The following ABI3BP variants were observed in gnomAD, a reference collection of about 807,000 sequenced individuals.
The protein encoded by ABI3BP is ABI family member 3 binding protein.
ABI3BP carries 216 observed loss-of-function variants against 268.6 expected under a neutral mutation model. That is an observed-to-expected ratio of 0.80 (90% CI 0.72 to 0.90). The LOEUF (loss-of-function observed/expected upper bound fraction) is 0.90. Among genes scored for constraint, ABI3BP ranks in the 40% least tolerant of loss-of-function variants. The pLI is 0.00. For missense variants in ABI3BP, 2,090 were observed against 2,182.4 expected, an observed-to-expected ratio of 0.96 and a Z score of 0.84; for synonymous variants, 730 against 730.0, an observed-to-expected ratio of 1.00 and a Z score of 0.00.
chr3:100,977,756 A>C (rs1477182957), intron 1 of ABI3BP, among the ~76,000 whole-genome samples: 1 of 152,228 alleles, frequency 6.6e-6, no homozygotes, highest in Non-Finnish European at 1.5e-5. Context: ...ATATAAGAGC[A>C]TGAATAACAG....
chr3:100,947,803 C>A (rs373880600), intron 1 of ABI3BP, among the ~76,000 whole-genome samples: 6 of 151,918 alleles, frequency 3.9e-5, no homozygotes, highest in Non-Finnish European at 7.4e-5. Context: ...TAAAGAGTGG[C>A]GGATAAGGCA....
Position 100,820,118 on chromosome 3 carries a change from C to T in ABI3BP, c.3031+102G>A, listed in dbSNP as rs1244348700. 5 of 1,020,462 alleles carry T rather than the reference C, an allele frequency of 4.9e-6. No homozygotes were observed. The African/African-American group carries it at 6.4e-5, about 13-fold the overall frequency. The allele number at this position is 1,020,462 out of a possible 1,614,324, so 63.2% of individuals were successfully genotyped here. On this transcript the variant is annotated intron_variant, in intron 40 of 67. Transcript: ENST00000471714. ...AGTAGCACATCTTTTGTGCCTTCAT[C>T]CACATGGTACTCACACAGGCCATCA...
At chr3:100,932,587 A>G (rs1360570179) in intron 1 of ABI3BP, among the ~76,000 whole-genome samples, 1 of 152,194 alleles carries the variant, frequency 6.6e-6, no homozygotes, top group Non-Finnish European at 1.5e-5. Flanking sequence ...GCCAACAAGC[A>G]CATGAAAAAG....
At position 100,886,855 on chromosome 3, in the gene ABI3BP, A is replaced by G. The variant is rs145356408; in HGVS notation, c.462-532T>C. 2.6e-4 allele frequency among the ~76,000 whole-genome samples: 39 copies of G among 152,056 alleles called. No homozygotes were observed. The East Asian group carries it at 5.6e-3, about 22-fold the overall frequency. ...AGCTGTTTTTATTATTAAAAAGAAG[A>G]CCAATAGCCAAGTTAAGAGTCAAAT... On this transcript the variant is annotated intron_variant, in intron 4 of 67. Transcript: ENST00000471714.
chr3:100,823,886 C>T (rs1232180322), intron 36 of ABI3BP, among the ~76,000 whole-genome samples: 1 of 152,108 alleles, frequency 6.6e-6, no homozygotes, highest in Non-Finnish European at 1.5e-5. Context: ...TGAATATTAG[C>T]GCTTATTACA....
At chr3:100,868,802 T>A (rs998410718) in intron 9 of ABI3BP, among the ~76,000 whole-genome samples, 4 of 152,190 alleles carry the variant, frequency 2.6e-5, no homozygotes, top group African/African-American at 7.2e-5. Flanking sequence ...AGGAACTTTT[T>A]AAAAATCTAG....
chr3:100,791,539 G>A (rs985677287), intron 55 of ABI3BP, among the ~76,000 whole-genome samples: 1 of 151,812 alleles, frequency 6.6e-6, no homozygotes, highest in Non-Finnish European at 1.5e-5. Context: ...TAAACATACA[G>A]AAATCAGGGT....
Position 100,749,805 on chromosome 3 carries a change from A to C in ABI3BP, c.*690T>G, listed in dbSNP as rs918973462. 2.5e-6 allele frequency: 1 copy of C among 397,626 alleles called. No homozygotes were observed. Among genetic ancestry groups the C allele is most frequent in the Non-Finnish European group, 4.4e-6 (1 of 225,520 alleles). The allele number at this position is 397,626 out of a possible 1,614,324, so 24.6% of individuals were successfully genotyped here. A position where few individuals can be genotyped will look rare whatever the true frequency, so the allele number is the denominator to read the frequency against. On this transcript the variant is annotated 3_prime_UTR_variant, in exon 68 of 68. Coordinates refer to ENST00000471714, the MANE Select transcript of ABI3BP (RefSeq NM_001375547.2). Reference sequence around the variant, plus strand: ...ATATTGTAACATTTATGGTGGGTAAAAATGTATCTTTTGAAACAATATATT... The same window carrying C: ...ATATTGTAACATTTATGGTGGGTAACAATGTATCTTTTGAAACAATATATT...
chr3:100,880,056 T>C (rs190916868), intron 6 of ABI3BP, among the ~76,000 whole-genome samples: 3 of 152,362 alleles, frequency 2.0e-5, no homozygotes. Flanking sequence ...CCAATCTTAA[T>C]AGAACTGTTT....
At chr3:100,950,201 C>T (rs890522622) in intron 1 of ABI3BP, among the ~76,000 whole-genome samples, 18 of 152,300 alleles carry the variant, frequency 1.2e-4, no homozygotes, top group African/African-American at 4.3e-4. Flanking sequence ...TATAAGGATA[C>T]TGTCCCTAGC....
intron 43 of ABI3BP, chr3:100,816,424 C>T (rs187757240): frequency 3.1e-4 from 178 of 566,040 alleles, no homozygotes; most frequent in East Asian, 2.1e-3. Flanking sequence ...ATGCTAATCT[C>T]GCTGTAAACA....
intron 59 of ABI3BP, among the ~76,000 whole-genome samples, chr3:100,776,654 T>C (rs1430946093): frequency 2.0e-5 from 3 of 152,162 alleles, no homozygotes; most frequent in Non-Finnish European, 4.4e-5. Flanking sequence ...CCCTCAATTA[T>C]GGTTTGGCTC....
intron 13 of ABI3BP, 119 bp from the exon 14 acceptor site, chr3:100,862,504 C>A (rs1040294724): frequency 3.0e-6 from 2 of 658,500 alleles, no homozygotes; most frequent in Non-Finnish European, 5.3e-6. Context: ...TATACCAATA[C>A]AATAAAAAGT....
In ABI3BP at chr3:100,862,996, G is replaced by A. The variant is rs796475469; in HGVS notation, c.1139-87C>T. On this transcript the variant is annotated intron_variant, in intron 12 of 67. Transcript: ENST00000471714. ...AAATTTTAAGCTTGCAAAAACAAAA[G>A]CAAACACAAAAAGGCAAATCATGTT... 46 of 988,082 alleles carry A rather than the reference G, an allele frequency of 4.7e-5. 1 individual carries two copies. The African/African-American group carries it at 6.4e-4, about 14-fold the overall frequency. The allele number at this position is 988,082 out of a possible 1,614,324, so 61.2% of individuals were successfully genotyped here.
rs569028104 is a variant in ABI3BP at position 100,787,983 on chromosome 3, T to C, written c.4088-181A>G. On this transcript the variant is annotated intron_variant, in intron 56 of 67. Coordinates refer to ENST00000471714, the MANE Select transcript of ABI3BP (RefSeq NM_001375547.2). ...AAAATAATAGACTTGAATTTGAAAATAGAGACCTGAATTTGTATTCTGAGG... is the reference window on the plus strand; with the variant it reads ...AAAATAATAGACTTGAATTTGAAAACAGAGACCTGAATTTGTATTCTGAGG... Among the ~76,000 whole-genome samples, 11 of 152,204 alleles carry C rather than the reference T, an allele frequency of 7.2e-5. No homozygotes were observed. In the South Asian group the frequency reaches 2.1e-3, roughly 29 times the overall value.
intron 46 of ABI3BP, among the ~76,000 whole-genome samples, chr3:100,812,216 A>T (rs2097879727): frequency 6.6e-6 from 1 of 152,186 alleles, no homozygotes; most frequent in African/African-American, 2.4e-5. Flanking sequence ...ATATTGAAAG[A>T]GCAATCAGAA....
At chr3:100,850,824 G>T in intron 15 of ABI3BP, 90 bp from the exon 16 acceptor site, 1 of 970,468 alleles carries the variant, frequency 1.0e-6, no homozygotes, top group Non-Finnish European at 1.6e-6. Context: ...TGCCTCATAT[G>T]AGGAAAAATA....
At chr3:100,950,610 C>T (rs1346696243) in intron 1 of ABI3BP, among the ~76,000 whole-genome samples, 2 of 151,968 alleles carry the variant, frequency 1.3e-5, no homozygotes, top group Non-Finnish European at 2.9e-5. Flanking sequence ...GTGTTAATAT[C>T]TGTGATAATT....
intron 14 of ABI3BP, among the ~76,000 whole-genome samples, chr3:100,852,260 C>T (rs2098851990): frequency 6.6e-6 from 1 of 152,146 alleles, no homozygotes; most frequent in African/African-American, 2.4e-5. Context: ...AGAGTATAAA[C>T]ATAAATAAAG....
Sources: gnomAD v4.1 joint callset for allele counts (sites outside exome capture counted in the v4.1 genomes callset) on GRCh38, gnomAD v4.1.1 for gene constraint, MANE v1.5 for transcripts, NCBI Gene and HGNC (gene_info 2026-07-23, HGNC 2026-07-21) for gene names.